Variants in SLCO3A1 observed in about 807,000 individuals in gnomAD.
SLCO3A1 encodes the protein solute carrier organic anion transporter family member 3A1, also known as PGE1 transporter.
In SLCO3A1, 27 loss-of-function variants were observed where a neutral mutation model predicts 63.1. The ratio of observed to expected loss-of-function variants is 0.43; its 90% CI spans 0.32 to 0.59. SLCO3A1 has a LOEUF of 0.59. SLCO3A1 is among the 20% of genes least tolerant of loss of function. The pLI is 0.09. For synonymous variants in SLCO3A1, 473 were observed against 409.9 expected (o/e 1.15, Z -1.86); for missense variants, 773 against 945.8 (o/e 0.82, Z 2.40).
At chr15:91,951,254 T>G (rs905776513) in intron 2 of SLCO3A1, among the ~76,000 whole-genome samples, 12 of 152,050 alleles carry the variant, frequency 7.9e-5, no homozygotes, top group African/African-American at 2.9e-4. Flanking sequence ...TGGCAACTGC[T>G]TATCCACTTC....
chr15:91,857,242 C>CA (rs1407241280), intron 1 of SLCO3A1, among the ~76,000 whole-genome samples: 1 of 152,088 alleles, frequency 6.6e-6, no homozygotes, highest in East Asian at 1.9e-4. Context: ...GCCTTGGTGT[C>CA]AGGCAGTACA....
At chr15:92,137,132 C>T (rs1380858171) in intron 7 of SLCO3A1, among the ~76,000 whole-genome samples, 2 of 142,526 alleles carry the variant, frequency 1.4e-5, no homozygotes, top group Non-Finnish European at 3.0e-5. Flanking sequence ...CGTCCCCCCA[C>T]CCCACAGCAG....
intron 7 of SLCO3A1, among the ~76,000 whole-genome samples, chr15:92,134,693 T>G (rs1298937939): frequency 6.6e-6 from 1 of 152,252 alleles, no homozygotes; most frequent in Non-Finnish European, 1.5e-5. Flanking sequence ...GTTTCCAGTT[T>G]TTGTGTATAT....
At chr15:91,957,033 AATATATAG>A (rs1567037313) in intron 2 of SLCO3A1, among the ~76,000 whole-genome samples, 1 of 11,096 alleles carries the variant, frequency 9.0e-5, no homozygotes, top group South Asian at 2.7e-3. Flanking sequence ...TATAATATAT[AATATATAG>A]TATATATATA....
At chr15:92,049,253 G>A (rs573746080) in intron 2 of SLCO3A1, among the ~76,000 whole-genome samples, 1 of 152,254 alleles carries the variant, frequency 6.6e-6, no homozygotes, top group South Asian at 2.1e-4. Flanking sequence ...TTCGGTGCCA[G>A]CCCCAGCCCC....
chr15:91,890,810 C>T (rs538916821), intron 1 of SLCO3A1, among the ~76,000 whole-genome samples: 1 of 152,328 alleles, frequency 6.6e-6, no homozygotes, highest in East Asian at 1.9e-4. Flanking sequence ...GGAGAAGGAG[C>T]TCTCTGCTGG....
intron 1 of SLCO3A1, among the ~76,000 whole-genome samples, chr15:91,876,890 C>G (rs1206273593): frequency 1.3e-5 from 2 of 152,252 alleles, no homozygotes; most frequent in African/African-American, 4.8e-5. Context: ...TTCACATTGC[C>G]TGCCCACACA....
intron 1 of SLCO3A1, among the ~76,000 whole-genome samples, chr15:91,887,722 G>A (rs2151353350): frequency 6.6e-6 from 1 of 152,324 alleles, no homozygotes; most frequent in South Asian, 2.1e-4. Flanking sequence ...ATTCGAGGTA[G>A]CCACATGGTT....
In SLCO3A1 at chr15:91,865,781, G is replaced by A. The variant is rs1293736711; in HGVS notation, c.180+11693G>A. 4.6e-5 allele frequency among the ~76,000 whole-genome samples: 7 copies of A among 152,284 alleles called. No individual in the cohort carries two copies. Among genetic ancestry groups the A allele is most frequent in the East Asian group, 1.9e-4 (1 of 5,186 alleles). The stretch of plus-strand genomic sequence containing the variant: ...ACTAGCTTACATCTGCTAAGTCCTC[G>A]TTTCCAAATTAGGTCACATTCACAG... On this transcript the variant is annotated intron_variant, in intron 1 of 9. Transcript: ENST00000318445. The surrounding 1 kb of genome is among the most constrained non-coding windows in gnomAD (Gnocchi z 4.6).
chr15:92,165,912 T>TTC (rs1428862065), downstream of SLCO3A1: 1 of 984,578 alleles, frequency 1.0e-6, no homozygotes, highest in Non-Finnish European at 1.2e-6. Context: ...AATGCTAGAG[T>TTC]TCTCTCTCTT....
intron 2 of SLCO3A1, among the ~76,000 whole-genome samples, chr15:92,066,330 TAAGCCTCAGTACCCTCATCTCAAA>T (rs2047151249): frequency 6.6e-6 from 1 of 152,230 alleles, no homozygotes; most frequent in African/African-American, 2.4e-5. Flanking sequence ...TTACCAGCTC[TAAGCCTCAGTACCCTCATCTCAAA>T]AATCGGAGAA....
At chr15:92,097,735 G>A (rs907670848) in intron 3 of SLCO3A1, among the ~76,000 whole-genome samples, 1 of 150,408 alleles carries the variant, frequency 6.6e-6, no homozygotes, top group Non-Finnish European at 1.5e-5. Flanking sequence ...CGGAGGCACC[G>A]TGAGGCACCG....
intron 2 of SLCO3A1, among the ~76,000 whole-genome samples, chr15:91,955,887 A>C (rs1005725828): frequency 1.3e-5 from 2 of 152,192 alleles, no homozygotes; most frequent in African/African-American, 4.8e-5. Flanking sequence ...CAGAGGTGTG[A>C]GTTCATAATG....
chr15:92,116,206 G>A (rs2047793066), intron 4 of SLCO3A1, among the ~76,000 whole-genome samples: 1 of 152,166 alleles, frequency 6.6e-6, no homozygotes, highest in Non-Finnish European at 1.5e-5. Flanking sequence ...ATTTAGAACG[G>A]CATTTTTGCA....
At chr15:91,974,165 G>A (rs932333952) in intron 2 of SLCO3A1, among the ~76,000 whole-genome samples, 1 of 151,914 alleles carries the variant, frequency 6.6e-6, no homozygotes, top group Non-Finnish European at 1.5e-5. Context: ...GTCAGCCTGG[G>A]GTCCAACAGT....
intron 2 of SLCO3A1, among the ~76,000 whole-genome samples, chr15:91,920,097 G>A (rs1023125931): frequency 6.6e-6 from 1 of 152,140 alleles, no homozygotes; most frequent in Non-Finnish European, 1.5e-5. Context: ...TTCTATAGTT[G>A]GACATGGATT....
chr15:91,985,508 G>T (rs1225653820), intron 2 of SLCO3A1, among the ~76,000 whole-genome samples: 1 of 152,158 alleles, frequency 6.6e-6, no homozygotes. Flanking sequence ...TGAGTCATGA[G>T]GTATGTTCAT....
downstream of SLCO3A1, among the ~76,000 whole-genome samples, chr15:92,168,169 T>C (rs1345777925): frequency 3.3e-5 from 5 of 152,060 alleles, no homozygotes; most frequent in African/African-American, 1.2e-4. Flanking sequence ...TGTCTGGGGA[T>C]AAGGAGAGCC....
chr15:92,003,443 T>G (rs921090577), intron 2 of SLCO3A1, among the ~76,000 whole-genome samples: 4 of 152,236 alleles, frequency 2.6e-5, no homozygotes, highest in African/African-American at 9.6e-5. Context: ...TCAGCTAGCC[T>G]GTCATGCATT....
Sources: allele counts gnomAD v4.1 joint callset (sites outside exome capture counted in the v4.1 genomes callset), GRCh38; gene constraint gnomAD v4.1.1; non-coding constraint Gnocchi (gnomAD v3.1); transcripts MANE v1.5; gene names NCBI Gene and HGNC (gene_info 2026-07-23, HGNC 2026-07-21).